Variants in UBL3 observed in about 807,000 individuals in gnomAD.
UBL3 encodes ubiquitin-like protein 3.
A neutral mutation model predicts 18.4 loss-of-function variants in UBL3; 6 were observed. That is an observed-to-expected ratio of 0.33 (90% CI 0.18 to 0.64). The LOEUF is 0.64. Ranked by LOEUF, UBL3 falls within the 30% of genes least tolerant of loss-of-function variation. The pLI is 0.76. For missense variants in UBL3, 109 were observed against 142.9 expected (o/e 0.76, Z 1.21); for synonymous variants, 49 against 46.6 (o/e 1.05, Z -0.21).
At chr13:29,776,638 C>T (rs190794238) in intron 2 of UBL3, among the ~76,000 whole-genome samples, 1,788 of 151,798 alleles carry the variant, frequency 0.012, 15 homozygotes, top group Non-Finnish European at 0.018. Context: ...TTTGGGAGGC[C>T]GAGGTGGGTG....
At chr13:29,837,470 T>C (rs1324160168) in intron 1 of UBL3, among the ~76,000 whole-genome samples, 1 of 152,130 alleles carries the variant, frequency 6.6e-6, no homozygotes, top group Non-Finnish European at 1.5e-5. Flanking sequence ...TCTCTAGGCT[T>C]ACGAGAAGGG....
At chr13:29,789,266 T>C (rs1035783756) in intron 1 of UBL3, among the ~76,000 whole-genome samples, 7 of 152,176 alleles carry the variant, frequency 4.6e-5, no homozygotes, top group South Asian at 2.1e-4. Context: ...AGACAGATTG[T>C]GGTGATGGTA....
In UBL3 at chr13:29,836,520, G is replaced by A. The variant is rs191543822; in HGVS notation, c.27+12992C>T. 2.6e-3 allele frequency among the ~76,000 whole-genome samples: 396 copies of A among 151,962 alleles called. 3 individuals are homozygous for A. Among genetic ancestry groups the A allele is most frequent in the African/African-American group, 8.7e-3 (359 of 41,440 alleles). On this transcript the variant is annotated intron_variant, in intron 1 of 4. Coordinates refer to ENST00000380680, the MANE Select transcript of UBL3 (RefSeq NM_007106.4). ...AATCCCCAGCTATTTGAAGGTTTCC[G>A]GAGAACAACCAAGGGTCAGGACTTG...
intron 1 of UBL3, 88 bp downstream of exon 1, chr13:29,849,424 A>G (rs1879311831): frequency 6.3e-7 from 1 of 1,589,890 alleles, no homozygotes; most frequent in Non-Finnish European, 8.6e-7. Context: ...AGTCCCCAGC[A>G]AATCTTCGCC....
At chr13:29,843,376 C>T (rs1879154145) in intron 1 of UBL3, among the ~76,000 whole-genome samples, 1 of 152,102 alleles carries the variant, frequency 6.6e-6, no homozygotes, top group African/African-American at 2.4e-5. Flanking sequence ...TTACTATTAA[C>T]ATATTAGGTG....
intron 1 of UBL3, among the ~76,000 whole-genome samples, chr13:29,824,601 T>C (rs542843171): frequency 3.9e-5 from 6 of 152,360 alleles, no homozygotes; most frequent in Non-Finnish European, 8.8e-5. Context: ...AGATTCTGGA[T>C]ATTAGCCTTT....
At chr13:29,816,428 A>C (rs1387721958) in intron 1 of UBL3, among the ~76,000 whole-genome samples, 2 of 152,136 alleles carry the variant, frequency 1.3e-5, no homozygotes, top group Admixed American at 6.6e-5. Flanking sequence ...ATCAGTTTTA[A>C]ACTGTTTACC....
At chr13:29,776,920 A>G (rs567378460) in intron 2 of UBL3, among the ~76,000 whole-genome samples, 23 of 150,166 alleles carry the variant, frequency 1.5e-4, no homozygotes, top group African/African-American at 4.1e-4. Flanking sequence ...ACTTACGTTA[A>G]AACAGTTCTA....
intron 1 of UBL3, among the ~76,000 whole-genome samples, chr13:29,828,225 T>G (rs1459997037): frequency 1.3e-5 from 2 of 152,232 alleles, no homozygotes; most frequent in Admixed American, 1.3e-4. Context: ...AATGTTGGCC[T>G]GCATTGCTAG....
Position 29,790,170 on chromosome 13 carries a change from C to A in UBL3, c.28-12907G>T, listed in dbSNP as rs547848483. On this transcript the variant is annotated intron_variant, in intron 1 of 4. Transcript: ENST00000380680. ...GACTGTTAAAGTTCCTCACTAATATCTGAAAATCATTAAGTAAAAAGAGAA... is the reference window on the plus strand; with the variant it reads ...GACTGTTAAAGTTCCTCACTAATATATGAAAATCATTAAGTAAAAAGAGAA... 7.0e-4 allele frequency among the ~76,000 whole-genome samples: 106 copies of A among 152,194 alleles called. 1 individual carries two copies. Among genetic ancestry groups the A allele is most frequent in the South Asian group, 1.5e-3 (7 of 4,824 alleles).
intron 1 of UBL3, among the ~76,000 whole-genome samples, chr13:29,802,163 G>T (rs887682766): frequency 6.6e-6 from 1 of 152,178 alleles, no homozygotes; most frequent in Non-Finnish European, 1.5e-5. Context: ...CCATCTACTG[G>T]ATCACAGCTT....
intron 1 of UBL3, among the ~76,000 whole-genome samples, chr13:29,788,870 TGCGCGCGCGCGCGCACGCGCAC>T (rs747897582): frequency 0.032 from 661 of 20,900 alleles, 5 homozygotes; most frequent in Middle Eastern, 0.071. Flanking sequence ...TGTGTGTGTG[TGCGCGCGCGCGCGCACGCGCAC>T]GTGTGTGCGT....
At chr13:29,776,266 T>C (rs867705823) in intron 2 of UBL3, among the ~76,000 whole-genome samples, 142 of 142,016 alleles carry the variant, frequency 1.0e-3, no homozygotes, top group African/African-American at 3.6e-3. Context: ...TCTTTCTTTT[T>C]TTTTTTTTTT....
rs564774573 is a variant in UBL3 at position 29,816,417 on chromosome 13, A to C, written c.27+33095T>G. Among the ~76,000 whole-genome samples the C allele has an allele frequency of 9.9e-5, 15 of 152,272 alleles. 1 individual carries two copies. In the South Asian group the frequency reaches 2.9e-3, roughly 29 times the overall value. On this transcript the variant is annotated intron_variant, in intron 1 of 4. Transcript: ENST00000380680. ...CAAATCTCTTGCTATGTGCTGAAGT[A>C]ATCAGTTTTAAACTGTTTACCTAAA...
intron 1 of UBL3, among the ~76,000 whole-genome samples, chr13:29,796,311 G>C (rs1342207822): frequency 1.3e-5 from 2 of 152,010 alleles, no homozygotes; most frequent in African/African-American, 2.4e-5. Flanking sequence ...AGTTTTTAAA[G>C]TTACCTTTAA....
chr13:29,820,636 G>A (rs1485620334), intron 1 of UBL3, among the ~76,000 whole-genome samples: 1 of 151,938 alleles, frequency 6.6e-6, no homozygotes, highest in South Asian at 2.1e-4. Context: ...TTTCTCCCTT[G>A]AGTTATCATC....
intron 1 of UBL3, among the ~76,000 whole-genome samples, chr13:29,796,746 C>G (rs962828427): frequency 9.2e-5 from 14 of 152,182 alleles, no homozygotes; most frequent in African/African-American, 3.4e-4. Flanking sequence ...AAAACGCTGA[C>G]AATCTTTTAG....
At chr13:29,784,540 T>C (rs115517433) in intron 1 of UBL3, among the ~76,000 whole-genome samples, 1,599 of 151,374 alleles carry the variant, frequency 0.011, 31 homozygotes, top group African/African-American at 0.037. Flanking sequence ...GTGGGAAAGG[T>C]ATTAGACCCT....
intron 1 of UBL3, among the ~76,000 whole-genome samples, chr13:29,847,699 C>G (rs1380669319): frequency 6.6e-6 from 1 of 152,192 alleles, no homozygotes; most frequent in African/African-American, 2.4e-5. Context: ...CTATTTTGCA[C>G]TGTGCTTGAT....
Sources: allele counts gnomAD v4.1 joint callset (sites outside exome capture counted in the v4.1 genomes callset), GRCh38; gene constraint gnomAD v4.1.1; transcripts MANE v1.5; gene names NCBI Gene and HGNC (gene_info 2026-07-23, HGNC 2026-07-21).